The following PLXDC1 variants were observed in gnomAD, a reference collection of about 807,000 sequenced individuals.
The protein encoded by PLXDC1 is plexin domain containing 1, also known as plexin domain-containing protein 1.
PLXDC1 carries 39 observed loss-of-function variants against 61.3 expected under a neutral mutation model. That is an observed-to-expected ratio of 0.64 (90% CI 0.49 to 0.83). The LOEUF (loss-of-function observed/expected upper bound fraction) is 0.83. Ranked by LOEUF, PLXDC1 falls within the 40% of genes least tolerant of loss-of-function variation. The probability of loss-of-function intolerance (pLI) is 0.00; values close to 1 mark genes in which losing one functional copy is unlikely to be tolerated. For synonymous variants in PLXDC1, 212 were observed against 254.5 expected, an observed-to-expected ratio of 0.83 and a Z score of 1.59; for missense variants, 596 against 666.5, an observed-to-expected ratio of 0.89 and a Z score of 1.17.
chr17:39,136,915 G>GA (rs1361107821), intron 2 of PLXDC1, among the ~76,000 whole-genome samples: 9 of 152,042 alleles, frequency 5.9e-5, no homozygotes, highest in Admixed American at 3.9e-4. Flanking sequence ...GAAGAGAGAA[G>GA]AAAAAATTGA....
At chr17:39,111,043 C>T (rs1450915764) in intron 2 of PLXDC1, among the ~76,000 whole-genome samples, 1 of 152,166 alleles carries the variant, frequency 6.6e-6, no homozygotes, top group Non-Finnish European at 1.5e-5. Flanking sequence ...AAAACCAAAG[C>T]TCTTAGGCTG....
rs73983212 is a variant in PLXDC1, at chr17:39,116,630, A to G, written c.256-7239T>C. The stretch of plus-strand genomic sequence containing the variant: ...CAGGAAGGTGTCTCTGGATTCCTCA[A>G]TTTCTTCTCTGAGGAAGTAAAGCCA... On this transcript the variant is annotated intron_variant, in intron 2 of 13. Coordinates refer to ENST00000315392, the MANE Select transcript of PLXDC1 (RefSeq NM_020405.5). Among the ~76,000 whole-genome samples, 776 of 152,276 alleles carry G rather than the reference A, an allele frequency of 5.1e-3. 5 individuals are homozygous for G. Among genetic ancestry groups the G allele is most frequent in the African/African-American group, 0.018 (749 of 41,552 alleles).
chr17:39,089,016 AAAG>A lies in PLXDC1; in HGVS notation c.812-1317_812-1315del, dbSNP rs1415815252. On this transcript the variant is annotated intron_variant, in intron 7 of 13. Transcript: ENST00000315392. ...AAGAAAGAGAAAAAGAATAGAAAGA[AAAG>A]AAAGAACGGAAAGAAAGAAAAGAAA... 4.0e-5 allele frequency among the ~76,000 whole-genome samples: 6 copies of A among 150,646 alleles called. No homozygotes were observed. The East Asian group carries it at 7.8e-4, about 20-fold the overall frequency.
intron 7 of PLXDC1, among the ~76,000 whole-genome samples, chr17:39,094,111 G>A (rs1339596693): frequency 1.3e-5 from 2 of 151,826 alleles, no homozygotes; most frequent in African/African-American, 4.8e-5. Flanking sequence ...ATGCCCAGAG[G>A]TGGCACCAAG....
At chr17:39,070,977 C>CAAACA (rs1429099156) in intron 12 of PLXDC1, among the ~76,000 whole-genome samples, 1 of 152,154 alleles carries the variant, frequency 6.6e-6, no homozygotes, top group East Asian at 1.9e-4. Flanking sequence ...GACTCCGTCT[C>CAAACA]AAACAAAACA....
At chr17:39,123,716 A>C (rs1911234798) in intron 2 of PLXDC1, among the ~76,000 whole-genome samples, 2 of 152,254 alleles carry the variant, frequency 1.3e-5, no homozygotes, top group East Asian at 1.9e-4. Flanking sequence ...CTTCCGCCTC[A>C]ATTAGTCATG....
intron 7 of PLXDC1, among the ~76,000 whole-genome samples, chr17:39,095,491 G>A (rs1277243965): frequency 3.3e-5 from 5 of 149,524 alleles, no homozygotes; most frequent in East Asian, 4.0e-4. Flanking sequence ...GAACCAAGAC[G>A]CAGGCTTCCC....
intron 7 of PLXDC1, among the ~76,000 whole-genome samples, chr17:39,105,304 G>A (rs2143650620): frequency 6.6e-6 from 1 of 152,300 alleles, no homozygotes; most frequent in South Asian, 2.1e-4. Flanking sequence ...GAGCAGGGGA[G>A]AAAGAGCTAT....
intron 7 of PLXDC1, among the ~76,000 whole-genome samples, chr17:39,100,244 C>CT (rs1268337147): frequency 2.6e-5 from 4 of 151,834 alleles, no homozygotes; most frequent in African/African-American, 7.3e-5. Flanking sequence ...CACTTTTTTT[C>CT]TTTTTTTTGA....
chr17:39,103,423 G>A (rs1467702735), intron 7 of PLXDC1, among the ~76,000 whole-genome samples: 2 of 152,078 alleles, frequency 1.3e-5, no homozygotes, highest in African/African-American at 4.8e-5. Flanking sequence ...TGTGCCTGTG[G>A]CCCCAGCTTC....
chr17:39,131,374 G>A (rs62074964), intron 2 of PLXDC1, among the ~76,000 whole-genome samples: 1 of 149,258 alleles, frequency 6.7e-6, no homozygotes, highest in Non-Finnish European at 1.5e-5. Flanking sequence ...TTTTTTAGGC[G>A]ACAGAATCTC....
intron 2 of PLXDC1, among the ~76,000 whole-genome samples, chr17:39,134,367 T>G (rs1190623519): frequency 1.3e-5 from 2 of 151,952 alleles, no homozygotes; most frequent in Non-Finnish European, 2.9e-5. Context: ...GGCTCACGTC[T>G]GTAATCCTAG....
chr17:39,089,032 G>A (rs1011025898), intron 7 of PLXDC1, among the ~76,000 whole-genome samples: 44 of 139,870 alleles, frequency 3.1e-4, no homozygotes, highest in African/African-American at 1.0e-3. Flanking sequence ...AGAACGGAAA[G>A]AAAGAAAAGA....
At position 39,105,940 on chromosome 17, in the gene PLXDC1, A is replaced by G; in HGVS notation, c.725T>C (p.Val242Ala). ...VFAYKEIPMS[V>A]PEISSSQHPV... ...ATGCTGGGAGGAGCTGATTTCCGGG[A>G]CAGACATAGGGATCTGCGGCAGGGA... The change falls in exon 7 of 14, where the codon GTC (valine) becomes GCC (alanine). Residue 242 changes from valine to alanine, a missense_variant. Val to Ala is a moderately conservative substitution (Grantham distance 64). Coordinates refer to ENST00000315392, the MANE Select transcript of PLXDC1 (RefSeq NM_020405.5). The G allele has an allele frequency of 1.2e-6, 2 of 1,613,456 alleles. No homozygotes were observed. The highest frequency in any genetic ancestry group is 2.2e-5 in the South Asian group (2 of 91,044).
chr17:39,132,386 C>T (rs932898391), intron 2 of PLXDC1, among the ~76,000 whole-genome samples: 2 of 151,994 alleles, frequency 1.3e-5, no homozygotes, highest in Admixed American at 6.6e-5. Flanking sequence ...GCTCCCGTCC[C>T]CGAAACGCCC....
chr17:39,141,343 A>C (rs1048303689), intron 1 of PLXDC1, among the ~76,000 whole-genome samples: 4 of 152,220 alleles, frequency 2.6e-5, no homozygotes. Context: ...TGTATCTATG[A>C]TTTTGACTAC....
At chr17:39,076,750 T>G (rs1909353463) in intron 11 of PLXDC1, among the ~76,000 whole-genome samples, 1 of 152,094 alleles carries the variant, frequency 6.6e-6, no homozygotes, top group South Asian at 2.1e-4. Context: ...TGTTGTGTTG[T>G]TCTGAGACAG....
rs199666120 is a variant in PLXDC1 at position 39,106,648 on chromosome 17, C to CTTT, written c.712-698_712-696dup. On this transcript the variant is annotated intron_variant, in intron 6 of 13. Transcript: ENST00000315392. Reference sequence around the variant, plus strand: ...GCCTTCTTTTTTCTTTTTTCTTTTTCTTTCTTTTTTTTTTTTTTTGAGACA... The same window carrying CTTT: ...GCCTTCTTTTTTCTTTTTTCTTTTTCTTTTTTCTTTTTTTTTTTTTTTGAGACA... Among the ~76,000 whole-genome samples, 192 of 122,564 alleles carry CTTT rather than the reference C, an allele frequency of 1.6e-3. 26 individuals carry two copies. Among genetic ancestry groups the CTTT allele is most frequent in the South Asian group, 4.9e-3 (19 of 3,854 alleles). The allele number at this position is 122,564 out of a possible 152,430, so 80.4% of individuals were successfully genotyped here. A position where few individuals can be genotyped will look rare whatever the true frequency, so the allele number is the denominator to read the frequency against.
intron 7 of PLXDC1, among the ~76,000 whole-genome samples, chr17:39,094,555 A>G (rs1361305826): frequency 2.0e-5 from 3 of 151,576 alleles, no homozygotes; most frequent in African/African-American, 7.3e-5. Flanking sequence ...CCCCCATTAC[A>G]TCGCTTGGTC....
Sources: gnomAD v4.1 joint callset for allele counts (sites outside exome capture counted in the v4.1 genomes callset) on GRCh38, gnomAD v4.1.1 for gene constraint, MANE v1.5 for transcripts, NCBI Gene and HGNC (gene_info 2026-07-23, HGNC 2026-07-21) for gene names.